The following DGKK variants were observed in gnomAD, a reference collection of about 807,000 sequenced individuals.
The protein encoded by DGKK is diacylglycerol kinase kappa, also known as 142 kDa diacylglycerol kinase.
In DGKK, 35 loss-of-function variants were observed where a neutral mutation model predicts 92.2. The observed-to-expected ratio is 0.38, with a 90% CI of 0.29 to 0.50. The LOEUF is 0.50. Among genes scored for constraint, DGKK ranks in the 20% least tolerant of loss-of-function variants. The pLI, the probability that DGKK is intolerant of heterozygous loss-of-function variation, is 0.92. For synonymous variants in DGKK, 368 were observed against 360.6 expected (o/e 1.02, Z -0.23); for missense variants, 910 against 992.2 (o/e 0.92, Z 1.11).
Position 50,366,030 on chromosome X carries a change from C to A in DGKK, c.*2910G>T, listed in dbSNP as rs1923966770. 9.0e-6 allele frequency: 1 copy of A among 111,565 alleles called. No homozygotes were observed. The highest frequency in any genetic ancestry group is 1.9e-5 in the Non-Finnish European group (1 of 53,176). The allele number at this position is 111,565 out of a possible 1,213,427, so 9.2% of individuals were successfully genotyped here. ...TTCTGGCCAGGAATTGCCTACCCAA[C>A]CAATTCGTCAGAAAGTGCTACCAAA... On this transcript the variant is annotated 3_prime_UTR_variant, in exon 28 of 28. Transcript: ENST00000611977.
chrX:50,467,046 C>G lies in DGKK; in HGVS notation c.645+2988G>C, dbSNP rs138160732. Among the ~76,000 whole-genome samples the G allele has an allele frequency of 8.8e-3, 980 of 111,751 alleles. 14 individuals are homozygous for G. Among genetic ancestry groups the G allele is most frequent in the African/African-American group, 0.03 (917 of 30,784 alleles). On this transcript the variant is annotated intron_variant, in intron 1 of 27. Transcript: ENST00000611977. ...AATGAATAAACAAAATTTTGTCTTT[C>G]TTCAAGCACAGCTGATGAGAGAGAA...
intron 4 of DGKK, among the ~76,000 whole-genome samples, chrX:50,410,396 G>A (rs1557227783): frequency 8.9e-6 from 1 of 112,237 alleles, no homozygotes; most frequent in Admixed American, 9.4e-5. Context: ...TTATAAAGTG[G>A]CAAAGAACTT....
chrX:50,462,732 G>T (rs1411222090), intron 1 of DGKK, among the ~76,000 whole-genome samples: 1 of 107,932 alleles, frequency 9.3e-6, no homozygotes, highest in African/African-American at 3.4e-5. Context: ...TTGTGGAGAG[G>T]ACCTACAAGG....
intron 1 of DGKK, among the ~76,000 whole-genome samples, chrX:50,457,358 C>T (rs782186124): frequency 1.8e-5 from 2 of 111,388 alleles, no homozygotes; most frequent in South Asian, 7.6e-4. Flanking sequence ...CTGAGTCATT[C>T]AAATCATTAC....
At chrX:50,458,317 C>A (rs146582148) in intron 1 of DGKK, among the ~76,000 whole-genome samples, 1,597 of 109,965 alleles carry the variant, frequency 0.015, 19 homozygotes, top group Non-Finnish European at 0.022. Flanking sequence ...ACTACCTGAC[C>A]CCCAAAGGCT....
intron 4 of DGKK, among the ~76,000 whole-genome samples, chrX:50,408,637 C>G (rs1557227558): frequency 9.0e-6 from 1 of 111,392 alleles, no homozygotes; most frequent in African/African-American, 3.3e-5. Flanking sequence ...CCCGCCTCGG[C>G]CTCCCAAAGT....
intron 8 of DGKK, among the ~76,000 whole-genome samples, chrX:50,396,109 T>C (rs1924844884): frequency 8.9e-6 from 1 of 112,209 alleles, no homozygotes; most frequent in African/African-American, 3.2e-5. Flanking sequence ...GGTGTATCCA[T>C]ACAGCAGAAT....
chrX:50,470,154 T>G lies in DGKK; in HGVS notation c.525A>C (p.Pro175=), dbSNP rs782618124. ...FCPEAAPEFR[P]SPAPCLLQCP... ...ATTGCAATAGACATGGTGCTGGACT[T>G]GGACGGAACTCTGGAGCCGCCTCAG... The change falls in exon 1 of 28, where the codon CCA becomes CCC. Residue 175 remains proline (P), a synonymous_variant. Coordinates refer to ENST00000611977, the MANE Select transcript of DGKK (RefSeq NM_001013742.4). 13 of 1,212,208 alleles carry G rather than the reference T, an allele frequency of 1.1e-5. No individual in the cohort carries two copies. The highest frequency in any genetic ancestry group is 2.2e-6 in the Non-Finnish European group (2 of 895,516).
chrX:50,462,620 T>A (rs2147153072), intron 1 of DGKK, among the ~76,000 whole-genome samples: 1 of 108,986 alleles, frequency 9.2e-6, no homozygotes, highest in South Asian at 4.0e-4. Context: ...AATGGAAGAT[T>A]TTTTTCTTTA....
chrX:50,394,135 A>G (rs1557225861), intron 8 of DGKK, among the ~76,000 whole-genome samples: 1 of 111,832 alleles, frequency 8.9e-6, no homozygotes, highest in Admixed American at 9.5e-5. Flanking sequence ...AAGAGATGCT[A>G]GACAAATAGT....
intron 23 of DGKK, 53 bp from the exon 24 acceptor site, chrX:50,376,218 G>A: frequency 6.8e-6 from 8 of 1,175,182 alleles, no homozygotes; most frequent in Non-Finnish European, 9.2e-6. Flanking sequence ...AGGACTTCTG[G>A]CCTGGGGCAC....
At chrX:50,432,873 CCTT>C (rs1569544886) in intron 1 of DGKK, among the ~76,000 whole-genome samples, 1 of 111,631 alleles carries the variant, frequency 9.0e-6, no homozygotes, top group Non-Finnish European at 1.9e-5. Context: ...GCCCCTCCCC[CCTT>C]CTTCTTTTCT....
chrX:50,370,465 G>T lies in DGKK; in HGVS notation c.3697C>A (p.Arg1233Ser). 8.4e-7 allele frequency: 1 copy of T among 1,192,759 alleles called. No individual in the cohort carries two copies. Among genetic ancestry groups the T allele is most frequent in the Admixed American group, 2.3e-5 (1 of 43,299 alleles). The change falls in exon 27 of 28, where the codon CGC becomes AGC. Residue 1233 changes from arginine to serine, a missense_variant. Transcript: ENST00000611977. ...ACACTCTGGCCTGATTTAGGCTTGC[G>T]TTCCTCTTCTACCTTTTTCTTTCCC... ...KLGKKKVEEE[R>S]KPKSGQSVQS...
chrX:50,372,322 T>C, intron 25 of DGKK, among the ~76,000 whole-genome samples: 1 of 112,492 alleles, frequency 8.9e-6, no homozygotes, highest in Non-Finnish European at 1.9e-5. Context: ...CCAAGAAGTT[T>C]AGTGCTCAAG....
At chrX:50,425,279 CAA>C (rs1925706834) in intron 1 of DGKK, among the ~76,000 whole-genome samples, 1 of 111,326 alleles carries the variant, frequency 9.0e-6, no homozygotes, top group African/African-American at 3.3e-5. Flanking sequence ...TAGTGTTTTT[CAA>C]AGTTTCAAAT....
intron 1 of DGKK, among the ~76,000 whole-genome samples, chrX:50,465,783 T>TA (rs1198910779): frequency 9.0e-6 from 1 of 110,944 alleles, no homozygotes; most frequent in African/African-American, 3.3e-5. Context: ...GTCAGATTTT[T>TA]AAAAAAATCT....
Position 50,421,452 on chromosome X carries a change from C to T in DGKK, c.838-945G>A, listed in dbSNP as rs977668162. 2.7e-5 allele frequency among the ~76,000 whole-genome samples: 3 copies of T among 112,051 alleles called. No homozygotes were observed. In the Admixed American group the frequency reaches 2.8e-4, roughly 11 times the overall value. ...AGCTAGTTGGGATTGTGATAACAGC[C>T]ACTCCTTTGGTCCAAACCCATTCTT... On this transcript the variant is annotated intron_variant, in intron 3 of 27. Transcript: ENST00000611977.
chrX:50,411,622 T>C (rs1557227972), intron 4 of DGKK, among the ~76,000 whole-genome samples: 1 of 112,402 alleles, frequency 8.9e-6, no homozygotes, highest in African/African-American at 3.2e-5. Context: ...TCATTCTAAA[T>C]AGTAAAATGT....
chrX:50,419,641 T>C (rs1925522724), intron 4 of DGKK, among the ~76,000 whole-genome samples: 1 of 112,188 alleles, frequency 8.9e-6, no homozygotes, highest in Non-Finnish European at 1.9e-5. Flanking sequence ...AAGATATTTA[T>C]TGTGCCTTTA....
Sources: gnomAD v4.1 joint callset for allele counts (sites outside exome capture counted in the v4.1 genomes callset) on GRCh38, gnomAD v4.1.1 for gene constraint, MANE v1.5 for transcripts, NCBI Gene and HGNC (gene_info 2026-07-23, HGNC 2026-07-21) for gene names.